The following GCN1 variants were observed in gnomAD, a reference collection of about 807,000 sequenced individuals.
GCN1 encodes GCN1 activator of EIF2AK4, also known as stalled ribosome sensor GCN1.
In GCN1, 90 loss-of-function variants were observed where a neutral mutation model predicts 288.4. That is an observed-to-expected ratio of 0.31 (90% CI 0.26 to 0.37). GCN1 has a LOEUF of 0.37. Among genes scored for constraint, GCN1 ranks in the 10% least tolerant of loss-of-function variants. The pLI is 1.00. For missense variants in GCN1, 2,586 were observed against 3,419.9 expected (o/e 0.76, Z 6.08); for synonymous variants, 1,386 against 1,420.2 (o/e 0.98, Z 0.54).
At chr12:120,174,982 G>C (rs958336711) in intron 12 of GCN1, among the ~76,000 whole-genome samples, 180 bp downstream of exon 12, 2 of 150,346 alleles carry the variant, frequency 1.3e-5, no homozygotes, top group African/African-American at 4.9e-5. Context: ...AAAAAAATTA[G>C]CAGGCGTGGT....
chr12:120,185,352 T>C (rs765472494), intron 2 of GCN1, among the ~76,000 whole-genome samples: 3 of 152,218 alleles, frequency 2.0e-5, no homozygotes, highest in Non-Finnish European at 4.4e-5. Context: ...CTGGAGTGTT[T>C]CTGAAAGTCT....
At chr12:120,169,021 C>A (rs917310323) in intron 15 of GCN1, among the ~76,000 whole-genome samples, 1 of 152,018 alleles carries the variant, frequency 6.6e-6, no homozygotes, top group Non-Finnish European at 1.5e-5. Flanking sequence ...CCTGGCCGGG[C>A]GCAGTGGCTC....
At position 120,138,731 on chromosome 12, in the gene GCN1, A is replaced by G; in HGVS notation, c.6120T>C (p.Ala2040=). The G allele has an allele frequency of 6.2e-7, 1 of 1,614,206 alleles. No individual in the cohort carries two copies. Among genetic ancestry groups the G allele is most frequent in the Non-Finnish European group, 8.5e-7 (1 of 1,180,008 alleles). ...EQLHSTIGHQ[A]LEDILPFLLK... ...GTAAAAATGGGAGAATGTCCTCCAG[A>G]GCCTGGTGGCCGATGGTGGAATGCA... The change falls in exon 46 of 58, where the codon GCT becomes GCC. Residue 2040 remains alanine (A), a synonymous_variant. Coordinates refer to ENST00000300648, the MANE Select transcript of GCN1 (RefSeq NM_006836.2).
intron 1 of GCN1, 61 bp from the exon 2 acceptor site, chr12:120,190,461 G>T: frequency 1.1e-6 from 1 of 887,688 alleles, no homozygotes; most frequent in Non-Finnish European, 1.9e-6. Context: ...GAGTGTGTGT[G>T]TTGAGGGGTG....
Position 120,134,980 on chromosome 12 carries a change from C to T in GCN1, c.7009-254G>A, listed in dbSNP as rs1876952224. On this transcript the variant is annotated intron_variant, in intron 51 of 57. Coordinates refer to ENST00000300648, the MANE Select transcript of GCN1 (RefSeq NM_006836.2). The surrounding 1 kb of genome is among the most constrained non-coding windows in gnomAD (Gnocchi z 5.0). ...AGGCGGCGGCCGCTATCTGAGGGAGCTGTCTCGCAGCCTTGGCTGCGTTGG... is the reference window on the plus strand; with the variant it reads ...AGGCGGCGGCCGCTATCTGAGGGAGTTGTCTCGCAGCCTTGGCTGCGTTGG... 6.6e-6 allele frequency among the ~76,000 whole-genome samples: 1 copy of T among 152,238 alleles called. No homozygotes were observed. Among genetic ancestry groups the T allele is most frequent in the Admixed American group, 6.5e-5 (1 of 15,286 alleles).
In GCN1 at chr12:120,155,298, C is replaced by T; in HGVS notation, c.3573G>A (p.Gln1191=). The change falls in exon 30 of 58, where the codon CAG becomes CAA. Residue 1191 remains glutamine (Q), a synonymous_variant. Coordinates refer to ENST00000300648, the MANE Select transcript of GCN1 (RefSeq NM_006836.2). This position sits in a 1 kb window ranked among gnomAD's most constrained non-coding sequence, Gnocchi z 4.9. ...TGCCCATAACCTCCGCCGCCTGCCG[C>T]TGGTAACGTGCCACTGCTTGGGAGA... ...EALSQAVARY[Q]RQAAEVMGRL... is the part of the protein sequence containing the mutation. The T allele has an allele frequency of 6.2e-7, 1 of 1,614,228 alleles. No homozygotes were observed. The highest frequency in any genetic ancestry group is 8.5e-7 in the Non-Finnish European group (1 of 1,180,048).
At chr12:120,164,575 A>C (rs919645145) in intron 17 of GCN1, 71 bp downstream of exon 17, 112 of 1,595,588 alleles carry the variant, frequency 7.0e-5, no homozygotes, top group Non-Finnish European at 9.1e-5. Flanking sequence ...CCTGCCACAC[A>C]CCCTTTCTCG....
chr12:120,180,199 G>A (rs1384923593), intron 5 of GCN1, among the ~76,000 whole-genome samples: 2 of 151,958 alleles, frequency 1.3e-5, no homozygotes, highest in African/African-American at 2.4e-5. Context: ...AAGCTACTCG[G>A]GAGGCTGAGG....
chr12:120,164,782 C>A, intron 16 of GCN1, 61 bp from the exon 17 acceptor site: 2 of 1,007,016 alleles, frequency 2.0e-6, no homozygotes, highest in South Asian at 1.4e-5. Flanking sequence ...ACATACATAC[C>A]AATACCCAGA....
chr12:120,173,058 T>TA (rs973660635), intron 14 of GCN1, among the ~76,000 whole-genome samples: 1 of 110,586 alleles, frequency 9.0e-6, no homozygotes, highest in Non-Finnish European at 1.8e-5. Flanking sequence ...TAAACCAGTC[T>TA]TTTTTTTTTT....
In GCN1 at chr12:120,153,690, G is replaced by A; in HGVS notation, c.3867+54C>T. On this transcript the variant is annotated intron_variant, in intron 32 of 57. Coordinates refer to ENST00000300648, the MANE Select transcript of GCN1 (RefSeq NM_006836.2). The surrounding 1 kb of genome is among the most constrained non-coding windows in gnomAD (Gnocchi z 4.4). ...CGCCTGCCTCCCGTGTCTCCTTAGCGGGCTGGGACCCCCTTACCTTCCCGT... is the reference window on the plus strand; with the variant it reads ...CGCCTGCCTCCCGTGTCTCCTTAGCAGGCTGGGACCCCCTTACCTTCCCGT... 1.9e-6 allele frequency: 3 copies of A among 1,548,490 alleles called. No homozygotes were observed. Among genetic ancestry groups the A allele is most frequent in the Non-Finnish European group, 1.8e-6 (2 of 1,127,502 alleles).
intron 1 of GCN1, among the ~76,000 whole-genome samples, chr12:120,191,452 A>G (rs1202091949): frequency 6.6e-6 from 1 of 152,230 alleles, no homozygotes. Context: ...TTGTGGATTC[A>G]TAAGCCGTAG....
At position 120,155,306 on chromosome 12, in the gene GCN1, G is replaced by A. The variant is rs372885273; in HGVS notation, c.3565C>T (p.Arg1189Cys). 6.5e-5 allele frequency: 105 copies of A among 1,614,040 alleles called. No individual in the cohort carries two copies. The highest frequency in any genetic ancestry group is 1.6e-4 in the Middle Eastern group (1 of 6,084). Residue 1189 changes from arginine to cysteine, a missense_variant, in exon 30 of 58, where the codon CGT (arginine) becomes TGT (cysteine). Coordinates refer to ENST00000300648, the MANE Select transcript of GCN1 (RefSeq NM_006836.2). The surrounding 1 kb of genome is among the most constrained non-coding windows in gnomAD (Gnocchi z 4.9). ...ACCTCCGCCGCCTGCCGCTGGTAAC[G>A]TGCCACTGCTTGGGAGAGGGCTTCG... ...GAEALSQAVARYQRQAAEVMG... is the reference protein window; with the variant it reads ...GAEALSQAVACYQRQAAEVMG...
intron 15 of GCN1, among the ~76,000 whole-genome samples, chr12:120,169,876 T>A (rs1369992465): frequency 6.6e-6 from 1 of 152,238 alleles, no homozygotes; most frequent in Non-Finnish European, 1.5e-5. Context: ...ACTGTATGAA[T>A]GTATAACCAA....
At chr12:120,128,265 C>T (rs1449992078) in intron 57 of GCN1, among the ~76,000 whole-genome samples, 2 of 151,704 alleles carry the variant, frequency 1.3e-5, no homozygotes. Flanking sequence ...ATTGGGATTA[C>T]AGGCATGAGC....
At chr12:120,162,356 C>G in intron 20 of GCN1, 1 of 450,182 alleles carries the variant, frequency 2.2e-6, no homozygotes, top group East Asian at 4.3e-5. Context: ...TGACCCAGAA[C>G]AGAAGGATGG....
chr12:120,151,868 C>T (rs774812009), intron 33 of GCN1, among the ~76,000 whole-genome samples: 65 of 152,308 alleles, frequency 4.3e-4, no homozygotes, highest in Admixed American at 6.5e-4. Context: ...GCCTCCCAGC[C>T]GCAGCTCACT....
rs1877222000 is a variant in GCN1 at position 120,142,289 on chromosome 12, G to A, written c.5829+218C>T. Among the ~76,000 whole-genome samples, 1 of 152,178 alleles carries A rather than the reference G, an allele frequency of 6.6e-6. No homozygotes were observed. Among genetic ancestry groups the A allele is most frequent in the Non-Finnish European group, 1.5e-5 (1 of 68,026 alleles). On this transcript the variant is annotated intron_variant, in intron 44 of 57. Transcript: ENST00000300648. The surrounding 1 kb of genome is among the most constrained non-coding windows in gnomAD (Gnocchi z 4.9). ...TGCAGTGAGCTGAGATCACGCCACT[G>A]CACTTCAGCCTGGGCGACAGAGCAA...
chr12:120,186,623 G>C (rs1299714046), intron 2 of GCN1, among the ~76,000 whole-genome samples: 1 of 152,146 alleles, frequency 6.6e-6, no homozygotes, highest in Admixed American at 6.5e-5. Flanking sequence ...GTTTCCCCAG[G>C]GCCCTGACCA....
Sources: allele counts gnomAD v4.1 joint callset (sites outside exome capture counted in the v4.1 genomes callset), GRCh38; gene constraint gnomAD v4.1.1; non-coding constraint Gnocchi (gnomAD v3.1); transcripts MANE v1.5; gene names NCBI Gene and HGNC (gene_info 2026-07-23, HGNC 2026-07-21).